The following MB21D2 variants were observed in gnomAD, a reference collection of about 807,000 sequenced individuals.
MB21D2 encodes Mab-21 domain containing 2, also known as nucleotidyltransferase MB21D2.
MB21D2 carries 9 observed loss-of-function variants against 33.3 expected under a neutral mutation model. The observed-to-expected ratio is 0.27, with a 90% CI of 0.16 to 0.47. The LOEUF is 0.47. Among genes scored for constraint, MB21D2 ranks in the 20% least tolerant of loss-of-function variants. The pLI is 0.99. For synonymous variants in MB21D2, 241 were observed against 236.3 expected, an observed-to-expected ratio of 1.02 and a Z score of -0.18; for missense variants, 540 against 624.6, an observed-to-expected ratio of 0.86 and a Z score of 1.44.
At chr3:192,875,288 C>T (rs1324602440) in intron 1 of MB21D2, among the ~76,000 whole-genome samples, 1 of 152,198 alleles carries the variant, frequency 6.6e-6, no homozygotes, top group Non-Finnish European at 1.5e-5. Flanking sequence ...ACCCTAACAT[C>T]CTTCAGATTA....
intron 1 of MB21D2, among the ~76,000 whole-genome samples, chr3:192,873,379 A>G (rs1284514669): frequency 6.6e-6 from 1 of 152,192 alleles, no homozygotes; most frequent in African/African-American, 2.4e-5. Context: ...AATTTATAAT[A>G]TTTATGATAC....
At chr3:192,879,156 A>C (rs1713506043) in intron 1 of MB21D2, among the ~76,000 whole-genome samples, 1 of 152,210 alleles carries the variant, frequency 6.6e-6, no homozygotes. Flanking sequence ...CTAAGGCTCA[A>C]GGTTAAAAGC....
intron 1 of MB21D2, among the ~76,000 whole-genome samples, chr3:192,832,714 C>G (rs542362283): frequency 6.6e-6 from 1 of 151,838 alleles, no homozygotes; most frequent in African/African-American, 2.4e-5. Context: ...CACTTGGACC[C>G]GGGAGGCGGA....
At chr3:192,861,250 C>T (rs576278502) in intron 1 of MB21D2, among the ~76,000 whole-genome samples, 6 of 152,284 alleles carry the variant, frequency 3.9e-5, no homozygotes, top group Admixed American at 3.9e-4. Flanking sequence ...TCTCCAAGTC[C>T]CCTGTGGTTC....
chr3:192,865,281 G>C (rs545161475), intron 1 of MB21D2, among the ~76,000 whole-genome samples: 192 of 152,342 alleles, frequency 1.3e-3, no homozygotes, highest in African/African-American at 4.5e-3. Context: ...GAGGCTGGAA[G>C]GAGGCTCAGA....
At position 192,917,796 on chromosome 3, in the gene MB21D2, G is replaced by C. The variant is rs759391261; in HGVS notation, c.45C>G (p.Gly15=). ...CCGGGAACGCAGGCTTGTTGTTACA[G>C]CCCAGGGAGGCTGCCTTGTTGGCGG... is the stretch of plus-strand genomic sequence containing the variant. ...APTANKAASL[G]CNNKPAFPEL... Residue 15 remains glycine, a synonymous_variant, in exon 1 of 2, where the codon GGC becomes GGG. Transcript: ENST00000392452. The C allele has an allele frequency of 6.2e-7, 1 of 1,612,830 alleles. No homozygotes were observed. The highest frequency in any genetic ancestry group is 1.1e-5 in the South Asian group (1 of 90,996).
chr3:192,828,399 G>C (rs1183286385), intron 1 of MB21D2, among the ~76,000 whole-genome samples: 1 of 151,030 alleles, frequency 6.6e-6, no homozygotes, highest in Non-Finnish European at 1.5e-5. Flanking sequence ...GGAGGCCAAG[G>C]ATCCAGCACA....
intron 1 of MB21D2, among the ~76,000 whole-genome samples, chr3:192,803,078 C>G (rs1273728216): frequency 6.6e-6 from 1 of 152,200 alleles, no homozygotes; most frequent in Non-Finnish European, 1.5e-5. Flanking sequence ...TACAAAAGTG[C>G]CACTGAATTT....
chr3:192,917,701 T>C lies in MB21D2; in HGVS notation c.140A>G (p.Asp47Gly). ...TCTCTGGTCGTCGTATTCCCGCTGG[T>C]CGTGCTTCGTAAATTCTTGGATGAG... ...NKLIQEFTKH[D>G]QREYDDQRAL... Residue 47 changes from aspartate (D) to glycine (G), a missense_variant, in exon 1 of 2, where the codon GAC becomes GGC. Asp to Gly is a moderately conservative substitution (Grantham distance 94). Transcript: ENST00000392452. 6.2e-7 allele frequency: 1 copy of C among 1,614,182 alleles called. No individual in the cohort carries two copies. Among genetic ancestry groups the C allele is most frequent in the Non-Finnish European group, 8.5e-7 (1 of 1,180,034 alleles).
intron 1 of MB21D2, among the ~76,000 whole-genome samples, chr3:192,863,079 G>A (rs895826052): frequency 6.6e-6 from 1 of 152,198 alleles, no homozygotes; most frequent in Non-Finnish European, 1.5e-5. Flanking sequence ...TTCAATGTAT[G>A]AATTTTGAGG....
At chr3:192,893,711 C>G (rs1713903542) in intron 1 of MB21D2, among the ~76,000 whole-genome samples, 1 of 152,172 alleles carries the variant, frequency 6.6e-6, no homozygotes, top group South Asian at 2.1e-4. Context: ...CTTTCGAAAC[C>G]AGTGCATGAT....
At chr3:192,819,440 A>C (rs981347207) in intron 1 of MB21D2, among the ~76,000 whole-genome samples, 1 of 151,994 alleles carries the variant, frequency 6.6e-6, no homozygotes, top group Admixed American at 6.6e-5. Flanking sequence ...TGAAGGTGGA[A>C]GATGAAGTGC....
At chr3:192,909,722 G>A (rs1714297249) in intron 1 of MB21D2, among the ~76,000 whole-genome samples, 1 of 151,844 alleles carries the variant, frequency 6.6e-6, no homozygotes, top group Non-Finnish European at 1.5e-5. Flanking sequence ...CTCGAGGTCA[G>A]GAGTTCAAGA....
chr3:192,887,239 T>C (rs1713751709), intron 1 of MB21D2, among the ~76,000 whole-genome samples: 1 of 152,104 alleles, frequency 6.6e-6, no homozygotes, highest in Admixed American at 6.5e-5. Context: ...CTCAAACTGC[T>C]GGATTCAAGC....
intron 1 of MB21D2, among the ~76,000 whole-genome samples, chr3:192,897,395 T>C (rs1266145294): frequency 1.3e-5 from 2 of 151,876 alleles, no homozygotes; most frequent in African/African-American, 4.8e-5. Flanking sequence ...TAACCAAGGG[T>C]TAGGTCATTA....
chr3:192,872,468 C>A, intron 1 of MB21D2, among the ~76,000 whole-genome samples: 1 of 150,778 alleles, frequency 6.6e-6, no homozygotes, highest in South Asian at 2.1e-4. Flanking sequence ...CCCAGCTACT[C>A]GGGAGGCTGA....
chr3:192,800,034 C>T (rs1711522633), intron 1 of MB21D2, among the ~76,000 whole-genome samples: 2 of 152,142 alleles, frequency 1.3e-5, no homozygotes. Flanking sequence ...TCCATGGAAC[C>T]TCTGCCAGGG....
intron 1 of MB21D2, among the ~76,000 whole-genome samples, chr3:192,864,735 A>G (rs542617331): frequency 6.6e-6 from 1 of 152,094 alleles, no homozygotes; most frequent in African/African-American, 2.4e-5. Flanking sequence ...TCGGACTCCT[A>G]AGCTCAGGTG....
Position 192,813,465 on chromosome 3 carries a change from C to T in MB21D2, c.212-13815G>A, listed in dbSNP as rs147754722. 5.8e-3 allele frequency among the ~76,000 whole-genome samples: 876 copies of T among 152,148 alleles called. 15 individuals carry two copies. The highest frequency in any genetic ancestry group is 0.038 in the South Asian group (183 of 4,822). ...ATAAATACATTGAAGACTTCAGGAG[C>T]TCAGAAGATTAATAAAAAGAAAATG... On this transcript the variant is annotated intron_variant, in intron 1 of 1. Transcript: ENST00000392452.
Sources: gnomAD v4.1 joint callset for allele counts (sites outside exome capture counted in the v4.1 genomes callset) on GRCh38, gnomAD v4.1.1 for gene constraint, MANE v1.5 for transcripts, NCBI Gene and HGNC (gene_info 2026-07-23, HGNC 2026-07-21) for gene names.